Variants in MSRA observed in about 807,000 individuals in gnomAD.
MSRA encodes mitochondrial peptide methionine sulfoxide reductase.
A neutral mutation model predicts 31.3 loss-of-function variants in MSRA; 54 were observed. That is an observed-to-expected ratio of 1.73 (90% confidence interval 1.39 to 2.17). The LOEUF is 2.17. Among genes scored for constraint, MSRA ranks in the 30% most tolerant of loss-of-function variants. The pLI is 0.00. For synonymous variants in MSRA, 169 were observed against 116.5 expected (o/e 1.45, Z -2.90); for missense variants, 507 against 300.9 (o/e 1.69, Z -5.07).
At chr8:10,350,780 C>T (rs760967107) in intron 5 of MSRA, among the ~76,000 whole-genome samples, 2 of 152,290 alleles carry the variant, frequency 1.3e-5, no homozygotes, top group East Asian at 1.9e-4. Context: ...GACTTACCCC[C>T]GAGGCCTCGC....
At chr8:10,405,381 G>A (rs1807741351) in intron 5 of MSRA, among the ~76,000 whole-genome samples, 1 of 152,214 alleles carries the variant, frequency 6.6e-6, no homozygotes, top group South Asian at 2.1e-4. Flanking sequence ...ACAGCCAGAT[G>A]AGGGGACATC....
chr8:10,228,806 C>G lies in MSRA; in HGVS notation c.212-16298C>G, dbSNP rs114571127. Among the ~76,000 whole-genome samples, 1,516 of 152,290 alleles carry G rather than the reference C, an allele frequency of 1.0e-2. 31 individuals carry two copies. Among genetic ancestry groups the G allele is most frequent in the African/African-American group, 0.035 (1,456 of 41,546 alleles). ...TTCCTTGTAGGGTTATCACCGGATTCCACATATACAGATATCAGTGTGTGG... is the reference window on the plus strand; with the variant it reads ...TTCCTTGTAGGGTTATCACCGGATTGCACATATACAGATATCAGTGTGTGG... On this transcript the variant is annotated intron_variant, in intron 2 of 5. Coordinates refer to ENST00000317173, the MANE Select transcript of MSRA (RefSeq NM_012331.5).
chr8:10,379,044 T>C (rs1805907155), intron 5 of MSRA, among the ~76,000 whole-genome samples: 2 of 152,200 alleles, frequency 1.3e-5, no homozygotes, highest in African/African-American at 4.8e-5. Context: ...TTTTTTCACT[T>C]AACAGTATTA....
chr8:10,344,530 C>T (rs55723533), intron 5 of MSRA, among the ~76,000 whole-genome samples: 2,069 of 129,286 alleles, frequency 0.016, 57 homozygotes, highest in African/African-American at 0.057. Context: ...TCCGAGATTG[C>T]GCCACTGACA....
At chr8:10,373,387 G>T (rs1298651085) in intron 5 of MSRA, among the ~76,000 whole-genome samples, 2 of 152,244 alleles carry the variant, frequency 1.3e-5, no homozygotes, top group African/African-American at 4.8e-5. Context: ...TAGAGACAGG[G>T]TCTTGCTGTG....
chr8:10,059,264 C>A (rs936314673), intron 1 of MSRA, among the ~76,000 whole-genome samples: 1 of 152,160 alleles, frequency 6.6e-6, no homozygotes, highest in Non-Finnish European at 1.5e-5. Context: ...ATAGCTCACA[C>A]TTGTTAAGTG....
At chr8:10,330,647 G>C (rs1259000047) in intron 5 of MSRA, among the ~76,000 whole-genome samples, 2 of 152,210 alleles carry the variant, frequency 1.3e-5, no homozygotes, top group African/African-American at 4.8e-5. Flanking sequence ...GCTCACATGT[G>C]ACAAATGCTC....
chr8:10,294,445 G>C (rs968691418), intron 3 of MSRA, among the ~76,000 whole-genome samples: 1 of 152,166 alleles, frequency 6.6e-6, no homozygotes, highest in African/African-American at 2.4e-5. Flanking sequence ...GGTGCTATCA[G>C]TGTCCCCATT....
intron 1 of MSRA, among the ~76,000 whole-genome samples, chr8:10,109,461 C>T (rs1286441305): frequency 1.3e-5 from 2 of 152,000 alleles, no homozygotes; most frequent in Non-Finnish European, 2.9e-5. Context: ...TCCACCTCAG[C>T]CTCCCAATTA....
rs565484583 is a variant in MSRA at position 10,400,745 on chromosome 8, C to G, written c.544-27403C>G. On this transcript the variant is annotated intron_variant, in intron 5 of 5. Transcript: ENST00000317173. ...ATTGATTTTTGACAAGAGTGCCAAGCCATTCAGTGGGGAAAGGACAGACTT... is the reference window on the plus strand; with the variant it reads ...ATTGATTTTTGACAAGAGTGCCAAGGCATTCAGTGGGGAAAGGACAGACTT... Among the ~76,000 whole-genome samples, 3 of 152,252 alleles carry G rather than the reference C, an allele frequency of 2.0e-5. No individual in the cohort carries two copies. The East Asian group carries it at 5.8e-4, about 29-fold the overall frequency.
Position 10,347,357 on chromosome 8 carries a change from T to C in MSRA, c.543+27368T>C, listed in dbSNP as rs181931368. On this transcript the variant is annotated intron_variant, in intron 5 of 5. Transcript: ENST00000317173. ...TGCAACTGGATATTCCACTTGCATC[T>C]CAAAATTATCATGTCTAAAACCAAA... is the stretch of plus-strand genomic sequence containing the variant. Among the ~76,000 whole-genome samples, 5 of 152,346 alleles carry C rather than the reference T, an allele frequency of 3.3e-5. No homozygotes were observed. In the East Asian group the frequency reaches 7.7e-4, roughly 24 times the overall value.
At chr8:10,141,546 C>A (rs1802705425) in intron 1 of MSRA, among the ~76,000 whole-genome samples, 1 of 152,190 alleles carries the variant, frequency 6.6e-6, no homozygotes, top group Non-Finnish European at 1.5e-5. Flanking sequence ...TCAGAGAACA[C>A]ACAGAAGCCT....
intron 3 of MSRA, among the ~76,000 whole-genome samples, chr8:10,271,628 T>A (rs1799043480): frequency 1.0e-5 from 1 of 95,934 alleles, no homozygotes; most frequent in Admixed American, 1.1e-4. Flanking sequence ...TATCAGACAG[T>A]CAATTTGCAT....
intron 5 of MSRA, among the ~76,000 whole-genome samples, chr8:10,373,772 A>C (rs370782032): frequency 6.6e-6 from 1 of 152,194 alleles, no homozygotes; most frequent in Non-Finnish European, 1.5e-5. Context: ...GGGCCAGATG[A>C]TGACCGCACT....
At chr8:10,333,145 C>T (rs531388355) in intron 5 of MSRA, among the ~76,000 whole-genome samples, 1 of 152,136 alleles carries the variant, frequency 6.6e-6, no homozygotes, top group Admixed American at 6.5e-5. Flanking sequence ...TCCTGGCCAA[C>T]ATAGGGTGAT....
At chr8:10,095,857 G>A in intron 1 of MSRA, 1 of 1,270,574 alleles carries the variant, frequency 7.9e-7, no homozygotes, top group Non-Finnish European at 1.0e-6. Context: ...CCATGCATTT[G>A]GGAAATACTA....
intron 1 of MSRA, among the ~76,000 whole-genome samples, chr8:10,056,194 A>G (rs115460322): frequency 0.015 from 1,108 of 75,862 alleles, 14 homozygotes; most frequent in African/African-American, 0.055. Context: ...GCCCTCCCAT[A>G]CACCAAAAAA....
chr8:10,323,778 G>T (rs192052550), intron 5 of MSRA, among the ~76,000 whole-genome samples: 3 of 149,264 alleles, frequency 2.0e-5, no homozygotes, highest in Non-Finnish European at 4.5e-5. Flanking sequence ...GTGTGTGTCT[G>T]TGTCTGTCTG....
At chr8:10,328,527 G>C (rs962086685) in intron 5 of MSRA, among the ~76,000 whole-genome samples, 2 of 152,090 alleles carry the variant, frequency 1.3e-5, no homozygotes, top group African/African-American at 4.8e-5. Context: ...ACAGGCAGCA[G>C]AGTGATATTC....
Sources: gnomAD v4.1 joint callset for allele counts (sites outside exome capture counted in the v4.1 genomes callset) on GRCh38, gnomAD v4.1.1 for gene constraint, MANE v1.5 for transcripts, NCBI Gene and HGNC (gene_info 2026-07-23, HGNC 2026-07-21) for gene names.